RGS6: variants seen among roughly 807,000 people sequenced by gnomAD.
The protein encoded by RGS6 is regulator of G-protein signaling 6.
RGS6 carries 30 observed loss-of-function variants against 78.5 expected under a neutral mutation model. The observed-to-expected ratio is 0.38, with a 90% CI of 0.29 to 0.52. The LOEUF is 0.52. RGS6 is among the 20% of genes least tolerant of loss of function. The probability of loss-of-function intolerance (pLI) is 0.85; values close to 1 mark genes in which losing one functional copy is unlikely to be tolerated. For synonymous variants in RGS6, 206 were observed against 206.0 expected (o/e 1.00, Z 0.00); for missense variants, 495 against 609.7 (o/e 0.81, Z 1.98).
the RGS6 span, among the ~76,000 whole-genome samples, chr14:71,890,395 A>AT: frequency 6.6e-6 from 1 of 151,778 alleles, no homozygotes; most frequent in Admixed American, 6.6e-5. Context: ...AGAGAGAGAA[A>AT]TCTTGTCTAG....
intron 3 of RGS6, among the ~76,000 whole-genome samples, chr14:72,379,153 CAATT>C (rs1234984734): frequency 1.3e-5 from 2 of 152,062 alleles, no homozygotes; most frequent in African/African-American, 4.8e-5. Context: ...TAAAAACTCT[CAATT>C]AAGATGGTAT....
At chr14:72,368,785 A>G (rs761609785) in intron 3 of RGS6, among the ~76,000 whole-genome samples, 2 of 152,236 alleles carry the variant, frequency 1.3e-5, no homozygotes, top group African/African-American at 2.4e-5. Context: ...ATGCCTCAAA[A>G]TAGAGATAAT....
At position 72,330,894 on chromosome 14, in the gene RGS6, C is replaced by T. The variant is rs572662534; in HGVS notation, c.85-21201C>T. 5.9e-5 allele frequency among the ~76,000 whole-genome samples: 9 copies of T among 152,244 alleles called. No homozygotes were observed. In the East Asian group the frequency reaches 9.7e-4, roughly 16 times the overall value. Reference sequence around the variant, plus strand: ...GCCCCATCTTCCCAGACAAGCTGCACGTTTCTGTCACTCTGTGCTGTTTCC... The same window carrying T: ...GCCCCATCTTCCCAGACAAGCTGCATGTTTCTGTCACTCTGTGCTGTTTCC... On this transcript the variant is annotated intron_variant, in intron 2 of 17. Transcript: ENST00000553525.
At chr14:72,250,419 A>G (rs1300335402) in intron 2 of RGS6, among the ~76,000 whole-genome samples, 1 of 141,820 alleles carries the variant, frequency 7.1e-6, no homozygotes, top group East Asian at 2.0e-4. Context: ...AAAAACCCCA[A>G]GGGATGTAAA....
chr14:72,362,238 A>G (rs1272153619), intron 3 of RGS6, among the ~76,000 whole-genome samples: 3 of 152,246 alleles, frequency 2.0e-5, no homozygotes, highest in Non-Finnish European at 4.4e-5. Context: ...TATATGAGCT[A>G]TGTGCCATAA....
At chr14:72,315,036 C>G (rs2152482300) in intron 2 of RGS6, among the ~76,000 whole-genome samples, 1 of 152,300 alleles carries the variant, frequency 6.6e-6, no homozygotes, top group Non-Finnish European at 1.5e-5. Context: ...CAAACCACAG[C>G]CAGTTTATTT....
chr14:72,026,299 G>A (rs1164209586), intron 2 of RGS6, among the ~76,000 whole-genome samples: 3 of 151,998 alleles, frequency 2.0e-5, no homozygotes, highest in Non-Finnish European at 4.4e-5. Flanking sequence ...CCCAGCTACT[G>A]AGGAGGCTGA....
chr14:72,402,879 C>T (rs2092589862), intron 3 of RGS6, among the ~76,000 whole-genome samples: 1 of 144,990 alleles, frequency 6.9e-6, no homozygotes, highest in South Asian at 2.3e-4. Context: ...TCACTGCAAC[C>T]TCCATCTCCT....
chr14:72,342,983 C>T (rs2239236), intron 2 of RGS6, among the ~76,000 whole-genome samples: 8,636 of 152,086 alleles, frequency 0.057, 415 homozygotes, highest in East Asian at 0.27. Flanking sequence ...GGGAAATCCA[C>T]CCCCTGCTTC....
At chr14:72,116,983 A>T (rs900313630) in intron 2 of RGS6, among the ~76,000 whole-genome samples, 20 of 142,282 alleles carry the variant, frequency 1.4e-4, no homozygotes, top group African/African-American at 4.7e-4. Context: ...AAAAAAAAAA[A>T]AAAAGAGAGT....
chr14:72,287,850 T>C (rs2152304560), intron 2 of RGS6, among the ~76,000 whole-genome samples: 1 of 152,352 alleles, frequency 6.6e-6, no homozygotes, highest in Non-Finnish European at 1.5e-5. Context: ...TCTATTGAGA[T>C]GATTGTGTGA....
At chr14:72,087,093 T>C (rs2095072201) in intron 2 of RGS6, among the ~76,000 whole-genome samples, 1 of 152,176 alleles carries the variant, frequency 6.6e-6, no homozygotes. Flanking sequence ...GCCTCTTTCA[T>C]CAGATAAGAT....
chr14:72,125,192 G>A (rs1473988956), intron 2 of RGS6, among the ~76,000 whole-genome samples: 4 of 152,176 alleles, frequency 2.6e-5, no homozygotes, highest in Non-Finnish European at 5.9e-5. Flanking sequence ...AGCATGTGTT[G>A]TGTGGCTTCA....
At chr14:72,433,145 A>G (rs2094729060) in intron 3 of RGS6, among the ~76,000 whole-genome samples, 1 of 152,200 alleles carries the variant, frequency 6.6e-6, no homozygotes, top group Non-Finnish European at 1.5e-5. Context: ...CATGTGATGC[A>G]AAGAATTTCC....
chr14:72,486,153 C>T (rs1325511384), intron 12 of RGS6, among the ~76,000 whole-genome samples: 1 of 152,164 alleles, frequency 6.6e-6, no homozygotes, highest in African/African-American at 2.4e-5. Flanking sequence ...TGAAGAAGGA[C>T]ATGTTTGCTT....
At chr14:72,086,725 T>C (rs1359744470) in intron 2 of RGS6, among the ~76,000 whole-genome samples, 1 of 152,242 alleles carries the variant, frequency 6.6e-6, no homozygotes, top group Non-Finnish European at 1.5e-5. Flanking sequence ...ATTTATGGAA[T>C]TTGTTTGAAG....
intron 12 of RGS6, among the ~76,000 whole-genome samples, chr14:72,484,696 T>C (rs1172811967): frequency 1.3e-5 from 2 of 152,208 alleles, no homozygotes; most frequent in Non-Finnish European, 2.9e-5. Context: ...TTCCCCTCCA[T>C]GTTTATCAAA....
intron 2 of RGS6, among the ~76,000 whole-genome samples, chr14:72,167,357 A>G (rs934748819): frequency 2.6e-5 from 4 of 152,354 alleles, no homozygotes; most frequent in Admixed American, 2.0e-4. Flanking sequence ...TCACAATTAT[A>G]TATAATGGAA....
chr14:71,889,813 G>T, the RGS6 span, among the ~76,000 whole-genome samples: 3 of 152,270 alleles, frequency 2.0e-5, no homozygotes, highest in African/African-American at 7.2e-5. Context: ...CTCACGAATG[G>T]TTTAACGCCA....
Sources: allele counts gnomAD v4.1 joint callset (sites outside exome capture counted in the v4.1 genomes callset), GRCh38; gene constraint gnomAD v4.1.1; transcripts MANE v1.5; gene names NCBI Gene and HGNC (gene_info 2026-07-23, HGNC 2026-07-21).